GOLGA4: variants seen among roughly 807,000 people sequenced by gnomAD.
GOLGA4 encodes golgin A4, also known as golgin subfamily A member 4.
GOLGA4 carries 169 observed loss-of-function variants against 265.9 expected under a neutral mutation model. The observed-to-expected ratio is 0.64, with a 90% confidence interval of 0.56 to 0.72. The LOEUF is 0.72. Among genes scored for constraint, GOLGA4 ranks in the 30% least tolerant of loss-of-function variants. The pLI, the probability that GOLGA4 is intolerant of heterozygous loss-of-function variation, is 0.00. For synonymous variants in GOLGA4, 923 were observed against 855.8 expected (o/e 1.08, Z -1.37); for missense variants, 2,482 against 2,483.4 (o/e 1.00, Z 0.01).
chr3:37,350,680 A>G (rs1251304291), intron 21 of GOLGA4, among the ~76,000 whole-genome samples: 3 of 152,148 alleles, frequency 2.0e-5, no homozygotes, highest in Admixed American at 1.3e-4. Context: ...GTTCAGTTCT[A>G]GACCACTGCA....
chr3:37,347,617 T>C (rs929418869), intron 21 of GOLGA4, among the ~76,000 whole-genome samples: 3 of 152,134 alleles, frequency 2.0e-5, no homozygotes, highest in Admixed American at 6.5e-5. Context: ...GTTAGAAGAA[T>C]AGATTTCATT....
intron 1 of GOLGA4, among the ~76,000 whole-genome samples, chr3:37,248,310 T>C (rs2096724968): frequency 6.6e-6 from 1 of 152,182 alleles, no homozygotes; most frequent in Non-Finnish European, 1.5e-5. Flanking sequence ...TGAGTATAAC[T>C]GTGGTCAGTT....
intron 5 of GOLGA4, among the ~76,000 whole-genome samples, chr3:37,294,577 GT>G (rs2096873351): frequency 6.6e-6 from 1 of 152,002 alleles, no homozygotes; most frequent in Non-Finnish European, 1.5e-5. Flanking sequence ...TAGAGACGGG[GT>G]TTCACCATTT....
At position 37,315,414 on chromosome 3, in the gene GOLGA4, T is replaced by G; in HGVS notation, c.1235-6T>G. ...AGATACTTGTTTTCTGTTGTTTTCA[T>G]TATAGCTTTTGAGGAACTTGAAAAA... is the stretch of plus-strand genomic sequence containing the variant. On this transcript the variant is annotated splice_polypyrimidine_tract_variant and splice_region_variant and intron_variant, in intron 10 of 23. Transcript: ENST00000361924. 2 of 1,607,426 alleles carry G rather than the reference T, an allele frequency of 1.2e-6. No individual in the cohort carries two copies. The highest frequency in any genetic ancestry group is 1.7e-6 in the Non-Finnish European group (2 of 1,177,522).
chr3:37,334,261 G>A lies in GOLGA4; in HGVS notation c.6193-792G>A, dbSNP rs369848085. Reference sequence around the variant, plus strand: ...GCCAAATTTTATAAGTAGGAATATTGGATCAGTAAGTCACATATTGCTCTT... The same window carrying A: ...GCCAAATTTTATAAGTAGGAATATTAGATCAGTAAGTCACATATTGCTCTT... On this transcript the variant is annotated intron_variant, in intron 16 of 23. Coordinates refer to ENST00000361924, the MANE Select transcript of GOLGA4 (RefSeq NM_002078.5). Among the ~76,000 whole-genome samples, 172 of 152,250 alleles carry A rather than the reference G, an allele frequency of 1.1e-3. 7 individuals are homozygous for A. The South Asian group carries it at 0.034, about 31-fold the overall frequency.
chr3:37,265,552 T>G (rs1001513945), intron 2 of GOLGA4, among the ~76,000 whole-genome samples: 1 of 152,202 alleles, frequency 6.6e-6, no homozygotes, highest in African/African-American at 2.4e-5. Flanking sequence ...AAGCCCACTT[T>G]ACTGAGGTAT....
chr3:37,256,013 G>T (rs1300454434), intron 2 of GOLGA4, among the ~76,000 whole-genome samples: 2 of 152,198 alleles, frequency 1.3e-5, no homozygotes, highest in Admixed American at 1.3e-4. Flanking sequence ...CTACTCAGGA[G>T]GCTGAGGCAA....
chr3:37,319,820 A>G (rs2096949820), intron 12 of GOLGA4: 3 of 152,188 alleles, frequency 2.0e-5, no homozygotes. Flanking sequence ...ACTTTCATTA[A>G]GCAGTTTGTT....
intron 2 of GOLGA4, among the ~76,000 whole-genome samples, chr3:37,254,509 A>G (rs1008581613): frequency 4.6e-5 from 7 of 151,816 alleles, no homozygotes; most frequent in Non-Finnish European, 1.0e-4. Context: ...TTAAAAAATT[A>G]ATTGTTTTAA....
chr3:37,312,136 T>G (rs1302204735), intron 10 of GOLGA4, among the ~76,000 whole-genome samples: 1 of 152,220 alleles, frequency 6.6e-6, no homozygotes, highest in East Asian at 1.9e-4. Flanking sequence ...TGTGAATTAC[T>G]CAGAAATGCT....
chr3:37,266,490 GC>G (rs2096784106), intron 2 of GOLGA4, among the ~76,000 whole-genome samples: 1 of 152,114 alleles, frequency 6.6e-6, no homozygotes, highest in African/African-American at 2.4e-5. Flanking sequence ...GAGCCACTGC[GC>G]CCGGCCCATG....
At position 37,362,234 on chromosome 3, in the gene GOLGA4, TTTATTA is replaced by T. The variant is rs1195359238; in HGVS notation, c.*33+932_*33+937del. 7.1e-3 allele frequency among the ~76,000 whole-genome samples: 776 copies of T among 109,572 alleles called. 7 individuals are homozygous for T. The highest frequency in any genetic ancestry group is 0.026 in the African/African-American group (725 of 27,784). 71.9% of individuals were successfully genotyped at this position (109,572 alleles called of 152,430 possible). A position where few individuals can be genotyped will look rare whatever the true frequency, so the allele number is the denominator to read the frequency against. On this transcript the variant is annotated intron_variant, in intron 23 of 23. Transcript: ENST00000361924. Reference sequence around the variant, plus strand: ...ATTTATTTATTTATTTATTTATTTATTTATTATTTTTTTTTTTTTTGAGACGGAGTC... The same window carrying T: ...ATTTATTTATTTATTTATTTATTTATTTTTTTTTTTTTTTGAGACGGAGTC...
chr3:37,311,773 T>C (rs771578139), intron 10 of GOLGA4, among the ~76,000 whole-genome samples: 7 of 152,134 alleles, frequency 4.6e-5, no homozygotes, highest in Non-Finnish European at 1.0e-4. Flanking sequence ...GATAATAAAT[T>C]GACTTGGACA....
At chr3:37,247,764 G>A (rs1445723821) in intron 1 of GOLGA4, among the ~76,000 whole-genome samples, 1 of 152,184 alleles carries the variant, frequency 6.6e-6, no homozygotes, top group Non-Finnish European at 1.5e-5. Context: ...CCATGTGGTT[G>A]TGGTAGAATT....
chr3:37,292,765 A>G (rs1163853681), intron 5 of GOLGA4, among the ~76,000 whole-genome samples: 1 of 152,182 alleles, frequency 6.6e-6, no homozygotes. Flanking sequence ...ATATGAAAGG[A>G]ATTTAGATCT....
intron 21 of GOLGA4, among the ~76,000 whole-genome samples, chr3:37,354,481 G>A (rs2097084823): frequency 6.6e-6 from 1 of 151,952 alleles, no homozygotes; most frequent in Admixed American, 6.6e-5. Flanking sequence ...CTGACTTACG[G>A]TATATTTATT....
intron 2 of GOLGA4, among the ~76,000 whole-genome samples, chr3:37,258,410 CT>C (rs2096760353): frequency 6.6e-6 from 1 of 151,880 alleles, no homozygotes; most frequent in Admixed American, 6.6e-5. Context: ...TCACTGCAAC[CT>C]CTACCTCCCA....
intron 21 of GOLGA4, among the ~76,000 whole-genome samples, chr3:37,349,928 T>A: frequency 6.6e-6 from 1 of 152,186 alleles, no homozygotes; most frequent in Non-Finnish European, 1.5e-5. Flanking sequence ...CATACGTTCT[T>A]GTAGTATGGA....
chr3:37,256,669 A>C (rs80318874), intron 2 of GOLGA4, among the ~76,000 whole-genome samples: 5,829 of 152,168 alleles, frequency 0.038, 142 homozygotes, highest in African/African-American at 0.056. Context: ...CACTATCCTC[A>C]GAGTAGGGCT....
Sources: gnomAD v4.1 joint callset for allele counts (sites outside exome capture counted in the v4.1 genomes callset) on GRCh38, gnomAD v4.1.1 for gene constraint, MANE v1.5 for transcripts, NCBI Gene and HGNC (gene_info 2026-07-23, HGNC 2026-07-21) for gene names.